TMEM181: variants seen among roughly 807,000 people sequenced by gnomAD.
TMEM181 encodes transmembrane protein 181, also known as G protein-coupled receptor 178.
In TMEM181, 39 loss-of-function variants were observed where a neutral mutation model predicts 71.9. The ratio of observed to expected loss-of-function variants is 0.54; its 90% CI spans 0.42 to 0.71. TMEM181 has a LOEUF of 0.71. TMEM181 is among the 30% of genes least tolerant of loss of function. TMEM181 has a pLI of 0.00. For missense variants in TMEM181, 595 were observed against 583.0 expected (o/e 1.02, Z -0.21); for synonymous variants, 245 against 228.8 (o/e 1.07, Z -0.64).
intron 12 of TMEM181, 100 bp downstream of exon 12, chr6:158,625,306 G>C (rs1786212286): frequency 9.5e-7 from 1 of 1,054,070 alleles, no homozygotes; most frequent in Non-Finnish European, 1.5e-6. Context: ...CTTCCTTGAG[G>C]GCCCAGGGAC....
At chr6:158,547,026 A>G (rs916180703) in intron 1 of TMEM181, among the ~76,000 whole-genome samples, 33 of 152,260 alleles carry the variant, frequency 2.2e-4, no homozygotes, top group South Asian at 8.3e-4. Flanking sequence ...ACACGCCTGT[A>G]ATCCCAGCAC....
intron 2 of TMEM181, among the ~76,000 whole-genome samples, chr6:158,577,320 G>A (rs971941668): frequency 5.3e-5 from 8 of 152,134 alleles, no homozygotes; most frequent in Admixed American, 4.6e-4. Context: ...TGAAAAGTAC[G>A]CTAGAGTGAT....
At chr6:158,581,621 G>C (rs985566821) in intron 3 of TMEM181, among the ~76,000 whole-genome samples, 1 of 151,794 alleles carries the variant, frequency 6.6e-6, no homozygotes, top group Non-Finnish European at 1.5e-5. Flanking sequence ...GGGCGTGGTG[G>C]GGGGGCGCCT....
chr6:158,591,099 A>G (rs1360688672), intron 6 of TMEM181, among the ~76,000 whole-genome samples: 1 of 152,198 alleles, frequency 6.6e-6, no homozygotes, highest in Non-Finnish European at 1.5e-5. Flanking sequence ...TAATCCCTTC[A>G]TCAGGTGACA....
chr6:158,626,574 T>A (rs1198366495), intron 13 of TMEM181: 1 of 456,508 alleles, frequency 2.2e-6, no homozygotes, highest in African/African-American at 2.0e-5. Flanking sequence ...GAGATAGGCA[T>A]CCAAGGTCGT....
Position 158,623,608 on chromosome 6 carries a change from G to A in TMEM181, c.954+1G>A. 4 of 1,576,180 alleles carry A rather than the reference G, an allele frequency of 2.5e-6. No individual in the cohort carries two copies. The highest frequency in any genetic ancestry group is 3.5e-6 in the Non-Finnish European group (4 of 1,157,346). Reference sequence around the variant, plus strand: ...TCGAGTTGATACCGGAAATTTTCAGGTAAGGATTGTTAATGAGGCCTGCAA... The same window carrying A: ...TCGAGTTGATACCGGAAATTTTCAGATAAGGATTGTTAATGAGGCCTGCAA... On this transcript the variant is annotated splice_donor_variant, in intron 11 of 16. Coordinates refer to ENST00000684151, the MANE Select transcript of TMEM181 (RefSeq NM_001376852.1). LOFTEE classifies it high-confidence loss of function.
At chr6:158,618,770 C>T (rs926682602) in intron 10 of TMEM181, among the ~76,000 whole-genome samples, 2 of 152,168 alleles carry the variant, frequency 1.3e-5, no homozygotes, top group Non-Finnish European at 2.9e-5. Flanking sequence ...TGGCTTGATA[C>T]GAAACTCTGG....
chr6:158,560,936 C>T (rs1226202176), intron 1 of TMEM181, among the ~76,000 whole-genome samples: 2 of 152,150 alleles, frequency 1.3e-5, no homozygotes, highest in Non-Finnish European at 2.9e-5. Context: ...TAGGTGTCCC[C>T]CTGGGCGCAT....
intron 1 of TMEM181, among the ~76,000 whole-genome samples, chr6:158,548,070 C>T (rs998432304): frequency 6.6e-6 from 1 of 152,134 alleles, no homozygotes; most frequent in Non-Finnish European, 1.5e-5. Context: ...GCCTGGCTCC[C>T]CAGGGCTGCT....
At chr6:158,536,884 G>A (rs573981888) in intron 1 of TMEM181, 2 of 1,331,318 alleles carry the variant, frequency 1.5e-6, no homozygotes, top group South Asian at 4.5e-5. Context: ...GGCGCGGGCA[G>A]CGGCGGGGCG....
chr6:158,575,090 C>T (rs962744136), intron 2 of TMEM181, among the ~76,000 whole-genome samples: 4 of 152,168 alleles, frequency 2.6e-5, no homozygotes, highest in Admixed American at 6.5e-5. Context: ...CTCAGTCTAC[C>T]GATTCACATG....
chr6:158,585,878 G>T (rs1175572246), intron 5 of TMEM181, among the ~76,000 whole-genome samples: 1 of 152,138 alleles, frequency 6.6e-6, no homozygotes, highest in African/African-American at 2.4e-5. Flanking sequence ...AGGCTGGAGT[G>T]CAGTGGCACA....
intron 1 of TMEM181, among the ~76,000 whole-genome samples, chr6:158,567,837 C>T (rs9347240): frequency 0.65 from 98,957 of 151,800 alleles, 32,601 homozygotes; most frequent in East Asian, 0.76. Flanking sequence ...GGAGGGAGTG[C>T]GTATAATTCA....
intron 10 of TMEM181, among the ~76,000 whole-genome samples, chr6:158,613,562 G>C (rs1785448258): frequency 6.6e-6 from 1 of 152,106 alleles, no homozygotes; most frequent in African/African-American, 2.4e-5. Context: ...GCTTAGCACA[G>C]GTCAGAAACT....
At position 158,612,080 on chromosome 6, in the gene TMEM181, G is replaced by T. The variant is rs73014252; in HGVS notation, c.896+3330G>T. ...TACTTTTTTACTGGGGCCCATTTTT[G>T]GGGGCCCATTTACACTCCCAAAACA... On this transcript the variant is annotated intron_variant, in intron 10 of 16. Transcript: ENST00000684151. Among the ~76,000 whole-genome samples, 1,228 of 152,018 alleles carry T rather than the reference G, an allele frequency of 8.1e-3. 4 individuals carry two copies. Among genetic ancestry groups the T allele is most frequent in the Non-Finnish European group, 0.011 (772 of 67,968 alleles).
At chr6:158,599,774 C>T (rs1784569049) in intron 6 of TMEM181, among the ~76,000 whole-genome samples, 2 of 152,236 alleles carry the variant, frequency 1.3e-5, no homozygotes, top group South Asian at 4.1e-4. Context: ...CAGGGCCCTA[C>T]TCTCGGGGCT....
intron 2 of TMEM181, among the ~76,000 whole-genome samples, chr6:158,574,380 G>A (rs117120839): frequency 5.1e-4 from 78 of 152,172 alleles, no homozygotes; most frequent in Non-Finnish European, 1.0e-3. Flanking sequence ...TTTCTTTCCC[G>A]TTAAGTCATC....
At chr6:158,579,338 G>C (rs1029043825) in intron 2 of TMEM181, among the ~76,000 whole-genome samples, 1 of 151,832 alleles carries the variant, frequency 6.6e-6, no homozygotes, top group African/African-American at 2.4e-5. Flanking sequence ...ATAACAAACT[G>C]TGGAATCAAC....
At chr6:158,603,691 T>C (rs1192947473) in intron 6 of TMEM181, among the ~76,000 whole-genome samples, 2 of 151,942 alleles carry the variant, frequency 1.3e-5, no homozygotes, top group Non-Finnish European at 2.9e-5. Context: ...ATCTTCCAAG[T>C]CTTTATTTAA....
Sources: allele counts gnomAD v4.1 joint callset (sites outside exome capture counted in the v4.1 genomes callset), GRCh38; gene constraint gnomAD v4.1.1; transcripts MANE v1.5; gene names NCBI Gene and HGNC (gene_info 2026-07-23, HGNC 2026-07-21).